GPC5: variants seen among roughly 807,000 people sequenced by gnomAD.
GPC5 encodes glypican 5.
Under a neutral mutation model 53.9 loss-of-function variants are expected in GPC5, and 47 were observed. The observed-to-expected ratio is 0.87, with a 90% confidence interval of 0.69 to 1.11. The LOEUF is 1.11. Ranked by LOEUF, GPC5 falls within the 50% of genes most tolerant of loss-of-function variation. The pLI is 0.00. For missense variants in GPC5, 748 were observed against 713.1 expected (o/e 1.05, Z -0.56); for synonymous variants, 286 against 263.3 (o/e 1.09, Z -0.84).
intron 7 of GPC5, among the ~76,000 whole-genome samples, chr13:92,781,263 T>A (rs1417234636): frequency 1.3e-5 from 2 of 152,098 alleles, no homozygotes. Flanking sequence ...ATCCACAAAA[T>A]ATATATATTC....
chr13:91,399,040 G>A lies in GPC5; in HGVS notation c.-7G>A, dbSNP rs1298921850. 22 of 1,546,322 alleles carry A rather than the reference G, an allele frequency of 1.4e-5. No homozygotes were observed. The highest frequency in any genetic ancestry group is 1.9e-5 in the Non-Finnish European group (22 of 1,145,260). Reference sequence around the variant, plus strand: ...ACTGGCGGGTAAAGGGGACCAGGACGGCGAGGATGGACGCACAGACCTGGC... The same window carrying A: ...ACTGGCGGGTAAAGGGGACCAGGACAGCGAGGATGGACGCACAGACCTGGC... On this transcript the variant is annotated 5_prime_UTR_variant, in exon 1 of 8. Coordinates refer to ENST00000377067, the MANE Select transcript of GPC5 (RefSeq NM_004466.6).
intron 2 of GPC5, among the ~76,000 whole-genome samples, chr13:91,609,136 G>T (rs768386800): frequency 1.3e-5 from 2 of 150,174 alleles, no homozygotes; most frequent in African/African-American, 4.9e-5. Flanking sequence ...TGTTGAAGAG[G>T]TTCTATCACT....
intron 1 of GPC5, among the ~76,000 whole-genome samples, chr13:91,443,186 T>C (rs546914498): frequency 1.3e-5 from 2 of 152,304 alleles, no homozygotes; most frequent in South Asian, 4.1e-4. Flanking sequence ...CCAATATTTA[T>C]ATTAAAGCTC....
At chr13:91,944,986 C>T (rs80186210) in intron 6 of GPC5, among the ~76,000 whole-genome samples, 3,712 of 152,222 alleles carry the variant, frequency 0.024, 144 homozygotes, top group African/African-American at 0.085. Context: ...AAACCCCAAA[C>T]AATAATTTCT....
chr13:92,208,035 G>T (rs2042349859), intron 7 of GPC5, among the ~76,000 whole-genome samples: 1 of 152,168 alleles, frequency 6.6e-6, no homozygotes, highest in Non-Finnish European at 1.5e-5. Context: ...ACAGCAGTTT[G>T]TATTGACATT....
chr13:92,741,667 A>G (rs561495979), intron 7 of GPC5, among the ~76,000 whole-genome samples: 1 of 152,184 alleles, frequency 6.6e-6, no homozygotes, highest in African/African-American at 2.4e-5. Context: ...TACATGTGCC[A>G]TGTTGCTGTG....
At chr13:92,313,343 A>G (rs2043158026) in intron 7 of GPC5, among the ~76,000 whole-genome samples, 1 of 152,182 alleles carries the variant, frequency 6.6e-6, no homozygotes, top group Non-Finnish European at 1.5e-5. Flanking sequence ...AGAGTAATAG[A>G]CTTTTAAAAA....
intron 1 of GPC5, among the ~76,000 whole-genome samples, chr13:91,407,581 A>G (rs1012509437): frequency 3.9e-5 from 6 of 152,322 alleles, no homozygotes; most frequent in Admixed American, 3.3e-4. Context: ...TTTCTGCAAA[A>G]TAGTATTTTT....
intron 6 of GPC5, among the ~76,000 whole-genome samples, chr13:92,135,374 C>G (rs1190251456): frequency 6.6e-6 from 1 of 152,026 alleles, no homozygotes; most frequent in African/African-American, 2.4e-5. Context: ...ATGTTTTCTC[C>G]CCTGTTTCAA....
At chr13:92,716,622 A>G (rs1888335449) in intron 7 of GPC5, among the ~76,000 whole-genome samples, 1 of 152,164 alleles carries the variant, frequency 6.6e-6, no homozygotes, top group Non-Finnish European at 1.5e-5. Flanking sequence ...TATGTCTACA[A>G]AACATTTTTT....
chr13:91,981,403 C>G (rs1170161545), intron 6 of GPC5, among the ~76,000 whole-genome samples: 1 of 151,996 alleles, frequency 6.6e-6, no homozygotes, highest in Non-Finnish European at 1.5e-5. Context: ...CATTCTCCTG[C>G]CTCAGCCTCC....
At chr13:92,549,764 C>T (rs936896448) in intron 7 of GPC5, among the ~76,000 whole-genome samples, 3 of 151,746 alleles carry the variant, frequency 2.0e-5, no homozygotes, top group African/African-American at 7.3e-5. Flanking sequence ...AAACAGTTTG[C>T]CTTTTTCTCA....
At chr13:91,633,737 G>A (rs552008601) in intron 2 of GPC5, among the ~76,000 whole-genome samples, 2 of 152,184 alleles carry the variant, frequency 1.3e-5, no homozygotes, top group South Asian at 4.1e-4. Context: ...GGGACTTTCA[G>A]GGCAAAGAAT....
intron 5 of GPC5, among the ~76,000 whole-genome samples, chr13:91,839,516 GT>G (rs547247058): frequency 7.2e-4 from 110 of 151,990 alleles, no homozygotes; most frequent in Admixed American, 5.0e-3. Context: ...GGTGGTTAAT[GT>G]TATATATTTT....
chr13:92,411,196 G>C (rs563623435), intron 7 of GPC5, among the ~76,000 whole-genome samples: 1 of 152,140 alleles, frequency 6.6e-6, no homozygotes, highest in Non-Finnish European at 1.5e-5. Context: ...CTTGAGCCTG[G>C]GAGGCAGAGG....
intron 7 of GPC5, among the ~76,000 whole-genome samples, chr13:92,199,399 T>G (rs531213318): frequency 6.6e-6 from 1 of 152,312 alleles, no homozygotes; most frequent in Admixed American, 6.5e-5. Context: ...ATTAATAGAC[T>G]TTTCATTTAA....
At chr13:91,714,929 G>C (rs516860) in intron 3 of GPC5, among the ~76,000 whole-genome samples, 21,440 of 152,202 alleles carry the variant, frequency 0.14, 1,840 homozygotes, top group East Asian at 0.25. Flanking sequence ...AGGCAGTGTT[G>C]CAGCTCTGTG....
chr13:92,662,504 C>T (rs1234016786), intron 7 of GPC5, among the ~76,000 whole-genome samples: 2 of 152,080 alleles, frequency 1.3e-5, no homozygotes, highest in African/African-American at 4.8e-5. Flanking sequence ...TTCAGTGTCC[C>T]CCTGTTGTCT....
intron 6 of GPC5, among the ~76,000 whole-genome samples, chr13:91,932,520 A>G (rs1324463397): frequency 2.0e-5 from 3 of 151,954 alleles, no homozygotes; most frequent in African/African-American, 4.8e-5. Context: ...ACACATACAA[A>G]ATTAGTCTTT....
Sources: gnomAD v4.1 joint callset for allele counts (sites outside exome capture counted in the v4.1 genomes callset) on GRCh38, gnomAD v4.1.1 for gene constraint, MANE v1.5 for transcripts, NCBI Gene and HGNC (gene_info 2026-07-23, HGNC 2026-07-21) for gene names.